PTPRQ: variants seen among roughly 807,000 people sequenced by gnomAD.
PTPRQ encodes the protein phosphatidylinositol phosphatase PTPRQ.
A neutral mutation model predicts 246.0 loss-of-function variants in PTPRQ; 199 were observed. The observed-to-expected ratio is 0.81, with a 90% CI of 0.72 to 0.91. The LOEUF is 0.91. Among genes scored for constraint, PTPRQ ranks in the 40% least tolerant of loss-of-function variants. PTPRQ has a pLI of 0.00. For missense variants in PTPRQ, 2,624 were observed against 2,528.4 expected, an observed-to-expected ratio of 1.04 and a Z score of -0.81; for synonymous variants, 869 against 853.2, an observed-to-expected ratio of 1.02 and a Z score of -0.32.
At chr12:80,552,663 A>G (rs1392841743) in intron 25 of PTPRQ, among the ~76,000 whole-genome samples, 6 of 109,884 alleles carry the variant, frequency 5.5e-5, no homozygotes, top group Admixed American at 8.7e-5. Context: ...ATATATATAT[A>G]TATATATATA....
At chr12:80,496,216 T>C in intron 13 of PTPRQ, 34 bp from the exon 14 acceptor site, 1 of 1,543,050 alleles carries the variant, frequency 6.5e-7, no homozygotes, top group Non-Finnish European at 8.7e-7. Context: ...TCAATAAAAA[T>C]ATAGGTACTA....
At chr12:80,460,271 G>GA (rs1183164292) in intron 5 of PTPRQ, among the ~76,000 whole-genome samples, 1 of 151,836 alleles carries the variant, frequency 6.6e-6, no homozygotes, top group Non-Finnish European at 1.5e-5. Flanking sequence ...GTACTTATGA[G>GA]AAAAAAAAGT....
At position 80,489,726 on chromosome 12, in the gene PTPRQ, T is replaced by TA. The variant is rs201163074; in HGVS notation, c.1360-3540dup. ...TCTTCCTTCTTTCAAAACAGTGAAA[T>TA]AAAAAAAAATCATTTCATTGGGAGC... is the stretch of plus-strand genomic sequence containing the variant. On this transcript the variant is annotated intron_variant, in intron 9 of 44. Transcript: ENST00000644991. Among the ~76,000 whole-genome samples the TA allele has an allele frequency of 1.0e-3, 155 of 151,358 alleles. 3 individuals carry two copies. Among genetic ancestry groups the TA allele is most frequent in the African/African-American group, 3.3e-3 (135 of 41,316 alleles).
intron 6 of PTPRQ, among the ~76,000 whole-genome samples, chr12:80,468,032 ATTTC>A (rs1893496518): frequency 6.6e-6 from 1 of 150,738 alleles, no homozygotes; most frequent in Non-Finnish European, 1.5e-5. Context: ...TAAAACAATG[ATTTC>A]ATAAGGGTCA....
At chr12:80,524,504 T>C (rs957791705) in intron 17 of PTPRQ, among the ~76,000 whole-genome samples, 6 of 152,136 alleles carry the variant, frequency 3.9e-5, no homozygotes, top group Admixed American at 3.9e-4. Flanking sequence ...AACAGAATAT[T>C]GCACAATTTT....
chr12:80,470,639 G>A (rs1053275837), intron 7 of PTPRQ, among the ~76,000 whole-genome samples: 1 of 152,180 alleles, frequency 6.6e-6, no homozygotes, highest in Non-Finnish European at 1.5e-5. Flanking sequence ...ACAGAAGGGC[G>A]AGGGAATTGG....
Position 80,632,215 on chromosome 12 carries a change from G to A in PTPRQ, c.5710G>A (p.Val1904Ile), listed in dbSNP as rs575071305. The A allele has an allele frequency of 7.5e-5, 116 of 1,551,322 alleles. No individual in the cohort carries two copies. Among genetic ancestry groups the A allele is most frequent in the East Asian group, 3.4e-4 (14 of 40,852 alleles). ...TLGEGLSERTVEIILSVTLCI... is the reference protein window; with the variant it reads ...TLGEGLSERTIEIILSVTLCI... ...AGGGGAAGGACTTTCAGAAAGAACC[G>A]TAGAGATCATTCTTTCCGTCACTTT... Residue 1904 changes from valine to isoleucine, a missense_variant, in exon 34 of 45, where the codon GTA (valine) becomes ATA (isoleucine). By Grantham distance (29) the Val-to-Ile change is conservative (BLOSUM62 3). Coordinates refer to ENST00000644991, the MANE Select transcript of PTPRQ (RefSeq NM_001145026.2).
chr12:80,600,820 G>A (rs1198092357), intron 26 of PTPRQ, among the ~76,000 whole-genome samples: 1 of 151,728 alleles, frequency 6.6e-6, no homozygotes, highest in Non-Finnish European at 1.5e-5. Context: ...GTTCACAATA[G>A]CCATCCTAAC....
chr12:80,493,148 T>C (rs916959440), intron 9 of PTPRQ, 127 bp from the exon 10 acceptor site: 1 of 1,074,812 alleles, frequency 9.3e-7, no homozygotes, highest in African/African-American at 1.6e-5. Flanking sequence ...AAGACAGTGG[T>C]CATGGAAATA....
chr12:80,446,530 T>C (rs1246475976), intron 3 of PTPRQ, among the ~76,000 whole-genome samples: 1 of 151,770 alleles, frequency 6.6e-6, no homozygotes, highest in Non-Finnish European at 1.5e-5. Flanking sequence ...AGTATACCCA[T>C]CACCCAAATA....
intron 14 of PTPRQ, among the ~76,000 whole-genome samples, chr12:80,503,054 G>T (rs1476082987): frequency 6.6e-6 from 1 of 151,690 alleles, no homozygotes; most frequent in African/African-American, 2.4e-5. Flanking sequence ...AATGGAATGG[G>T]GCTTCAAAGG....
At chr12:80,590,302 C>A (rs77608456) in intron 26 of PTPRQ, among the ~76,000 whole-genome samples, 419 of 152,198 alleles carry the variant, frequency 2.8e-3, no homozygotes, top group Non-Finnish European at 4.1e-3. Flanking sequence ...ACAGCACTAG[C>A]CTAACTAGCC....
chr12:80,465,926 T>C (rs1893388882), intron 6 of PTPRQ, among the ~76,000 whole-genome samples: 1 of 152,094 alleles, frequency 6.6e-6, no homozygotes, highest in Non-Finnish European at 1.5e-5. Context: ...ACTGGAAGCA[T>C]TCCCTTTGAA....
intron 17 of PTPRQ, among the ~76,000 whole-genome samples, chr12:80,519,859 C>G (rs1373307275): frequency 6.6e-6 from 1 of 152,040 alleles, no homozygotes; most frequent in Non-Finnish European, 1.5e-5. Flanking sequence ...GTATCTTGTC[C>G]AATCAAAGCT....
Position 80,679,137 on chromosome 12 carries a change from C to T in PTPRQ, c.*114C>T. 2.4e-6 allele frequency: 3 copies of T among 1,272,754 alleles called. No homozygotes were observed. Among genetic ancestry groups the T allele is most frequent in the South Asian group, 3.8e-5 (2 of 53,170 alleles). The allele number at this position is 1,272,754 out of a possible 1,614,324, so 78.8% of individuals were successfully genotyped here. A position where few individuals can be genotyped will look rare whatever the true frequency, so the allele number is the denominator to read the frequency against. ...ACCTTAAAGAAATATCTATGCTTCT[C>T]TCACTGTGCCTTTCCAAACGGATTG... On this transcript the variant is annotated 3_prime_UTR_variant, in exon 45 of 45. Coordinates refer to ENST00000644991, the MANE Select transcript of PTPRQ (RefSeq NM_001145026.2).
chr12:80,633,244 T>C (rs1224823458), intron 34 of PTPRQ, among the ~76,000 whole-genome samples: 1 of 152,242 alleles, frequency 6.6e-6, no homozygotes, highest in Non-Finnish European at 1.5e-5. Flanking sequence ...ATTTAAAATA[T>C]CTCAATCAGG....
chr12:80,654,006 T>G (rs1023622442), intron 38 of PTPRQ, among the ~76,000 whole-genome samples: 1 of 151,494 alleles, frequency 6.6e-6, no homozygotes, highest in African/African-American at 2.4e-5. Context: ...AATTTCTTTT[T>G]CTTTCTTTCT....
At chr12:80,497,651 C>T (rs1186538516) in intron 14 of PTPRQ, among the ~76,000 whole-genome samples, 1 of 152,004 alleles carries the variant, frequency 6.6e-6, no homozygotes, top group Non-Finnish European at 1.5e-5. Flanking sequence ...TAGAGTAAGA[C>T]AGTTTGTCTG....
intron 42 of PTPRQ, among the ~76,000 whole-genome samples, chr12:80,672,641 G>A (rs923886448): frequency 6.6e-6 from 1 of 151,902 alleles, no homozygotes; most frequent in African/African-American, 2.4e-5. Flanking sequence ...GAGTATTGAT[G>A]TAATTTTTTA....
Sources: allele counts gnomAD v4.1 joint callset (sites outside exome capture counted in the v4.1 genomes callset), GRCh38; gene constraint gnomAD v4.1.1; transcripts MANE v1.5; gene names NCBI Gene and HGNC (gene_info 2026-07-23, HGNC 2026-07-21).